Variants in SLC6A18 observed in about 807,000 individuals in gnomAD.
The protein encoded by SLC6A18 is solute carrier family 6 member 18.
In SLC6A18, 58 loss-of-function variants were observed where a neutral mutation model predicts 62.9. The ratio of observed to expected loss-of-function variants is 0.92; its 90% CI spans 0.75 to 1.15. The LOEUF is 1.15. Among genes scored for constraint, SLC6A18 ranks in the 50% most tolerant of loss-of-function variants. The pLI, the probability that SLC6A18 is intolerant of heterozygous loss-of-function variation, is 0.00. For missense variants in SLC6A18, 793 were observed against 836.6 expected (o/e 0.95, Z 0.64); for synonymous variants, 382 against 365.8 (o/e 1.04, Z -0.51).
intron 1 of SLC6A18, among the ~76,000 whole-genome samples, chr5:1,228,480 C>T (rs1484564604): frequency 6.6e-6 from 1 of 152,240 alleles, no homozygotes; most frequent in Non-Finnish European, 1.5e-5. Context: ...TGCATTTGCT[C>T]AGTGGCTGCA....
intron 3 of SLC6A18, among the ~76,000 whole-genome samples, chr5:1,235,252 G>A (rs1746852955): frequency 1.3e-5 from 2 of 152,212 alleles, no homozygotes; most frequent in African/African-American, 4.8e-5. Context: ...GCTCAGCAGG[G>A]CTCGTAAACC....
chr5:1,244,906 C>T (rs984931176), intron 11 of SLC6A18, 139 bp downstream of exon 11: 1 of 1,017,418 alleles, frequency 9.8e-7, no homozygotes, highest in Non-Finnish European at 1.4e-6. Flanking sequence ...TCACTTCTGC[C>T]TGGCAAACTG....
intron 3 of SLC6A18, among the ~76,000 whole-genome samples, chr5:1,235,272 T>C (rs1043267756): frequency 6.6e-6 from 1 of 152,298 alleles, no homozygotes; most frequent in Admixed American, 6.5e-5. Context: ...CTTCGCAAAG[T>C]GGAGCTTCCC....
chr5:1,244,384 G>A lies in SLC6A18; in HGVS notation c.1496+11G>A, dbSNP rs374642591. On this transcript the variant is annotated intron_variant, in intron 10 of 11. Transcript: ENST00000324642. ...TTATGGAATGAAACGGTGAGCTGCCGCCCCGCCGAGTGCTCCTCTGGGACC... is the reference window on the plus strand; with the variant it reads ...TTATGGAATGAAACGGTGAGCTGCCACCCCGCCGAGTGCTCCTCTGGGACC... 77 of 1,613,426 alleles carry A rather than the reference G, an allele frequency of 4.8e-5. No homozygotes were observed. Among genetic ancestry groups the A allele is most frequent in the South Asian group, 2.3e-4 (21 of 91,018 alleles).
intron 1 of SLC6A18, among the ~76,000 whole-genome samples, chr5:1,231,606 C>T (rs1450500026): frequency 6.6e-6 from 1 of 152,242 alleles, no homozygotes; most frequent in African/African-American, 2.4e-5. Context: ...GAAGCTCCAA[C>T]AAGAGCAGCA....
chr5:1,226,346 A>G (rs1473431066), intron 1 of SLC6A18, among the ~76,000 whole-genome samples: 3 of 152,052 alleles, frequency 2.0e-5, no homozygotes, highest in East Asian at 3.9e-4. Flanking sequence ...GGCATGAATC[A>G]CTGCTCTCAG....
intron 7 of SLC6A18, 61 bp downstream of exon 7, chr5:1,240,720 A>C: frequency 6.2e-7 from 1 of 1,601,368 alleles, no homozygotes; most frequent in Non-Finnish European, 8.5e-7. Context: ...TGCCTGCCGC[A>C]CCGAGAATCC....
At chr5:1,237,119 G>C (rs1746902991) in intron 4 of SLC6A18, among the ~76,000 whole-genome samples, 1 of 151,406 alleles carries the variant, frequency 6.6e-6, no homozygotes, top group Non-Finnish European at 1.5e-5. Flanking sequence ...TTGGGAGCCT[G>C]TAATCCCAAC....
chr5:1,238,950 C>T lies in SLC6A18; in HGVS notation c.733-500C>T, dbSNP rs372840352. 7.2e-5 allele frequency among the ~76,000 whole-genome samples: 11 copies of T among 152,214 alleles called. No homozygotes were observed. The East Asian group carries it at 9.6e-4, about 13-fold the overall frequency. ...TCGCGGCACTCCCTGCCCAGCATCCCGAGGCAGTTTCCAGGGGCTGGTGTG... is the reference window on the plus strand; with the variant it reads ...TCGCGGCACTCCCTGCCCAGCATCCTGAGGCAGTTTCCAGGGGCTGGTGTG... On this transcript the variant is annotated intron_variant, in intron 5 of 11. Transcript: ENST00000324642.
chr5:1,227,251 C>T (rs1267159963), intron 1 of SLC6A18, among the ~76,000 whole-genome samples: 1 of 152,186 alleles, frequency 6.6e-6, no homozygotes, highest in Non-Finnish European at 1.5e-5. Context: ...ACTAGCCTCC[C>T]TTAAACTCAG....
chr5:1,233,968 C>A (rs563330977), intron 3 of SLC6A18, among the ~76,000 whole-genome samples: 1 of 152,262 alleles, frequency 6.6e-6, no homozygotes, highest in South Asian at 2.1e-4. Flanking sequence ...GTCTCGATCT[C>A]CTGACCTCGT....
At chr5:1,239,873 G>T (rs1047735113) in intron 6 of SLC6A18, among the ~76,000 whole-genome samples, 2 of 152,238 alleles carry the variant, frequency 1.3e-5, no homozygotes, top group African/African-American at 2.4e-5. Context: ...CGTTGGTGCC[G>T]ACATGAGCAG....
At chr5:1,232,063 A>G (rs1746743048) in intron 1 of SLC6A18, among the ~76,000 whole-genome samples, 156 bp from the exon 2 acceptor site, 1 of 152,130 alleles carries the variant, frequency 6.6e-6, no homozygotes, top group African/African-American at 2.4e-5. Flanking sequence ...TTGGCAACCC[A>G]ACAGTGCCCC....
At chr5:1,234,032 C>T (rs528270895) in intron 3 of SLC6A18, among the ~76,000 whole-genome samples, 150 of 152,264 alleles carry the variant, frequency 9.9e-4, no homozygotes, top group Non-Finnish European at 1.4e-3. Context: ...TGAGCCACCG[C>T]GCCCGGCCAG....
Position 1,241,989 on chromosome 5 carries a change from C to T in SLC6A18, c.975-718C>T, listed in dbSNP as rs1414566466. 6.7e-6 allele frequency among the ~76,000 whole-genome samples: 1 copy of T among 148,502 alleles called. No homozygotes were observed. Among genetic ancestry groups the T allele is most frequent in the Non-Finnish European group, 1.5e-5 (1 of 67,680 alleles). On this transcript the variant is annotated intron_variant, in intron 7 of 11. Coordinates refer to ENST00000324642, the MANE Select transcript of SLC6A18 (RefSeq NM_182632.3). The surrounding 1 kb of genome is among the most constrained non-coding windows in gnomAD (Gnocchi z 7.8). The stretch of plus-strand genomic sequence containing the variant: ...AGCTGGAGCCCCAAAAAGGTGTTTG[C>T]TGGTATCCATGTGTCCCGCCCTTGG...
Position 1,232,742 on chromosome 5 carries a change from T to C in SLC6A18, c.302-9T>C. 6.2e-7 allele frequency: 1 copy of C among 1,606,622 alleles called. No individual in the cohort carries two copies. Among genetic ancestry groups the C allele is most frequent in the East Asian group, 2.2e-5 (1 of 44,758 alleles). On this transcript the variant is annotated splice_polypyrimidine_tract_variant and intron_variant, in intron 2 of 11. Transcript: ENST00000324642. ...CCCCGGGGCCACCTGACATGGTCCC[T>C]GTCCACAGGGCTGGGCTGTGTCACG... is the stretch of plus-strand genomic sequence containing the variant.
intron 1 of SLC6A18, among the ~76,000 whole-genome samples, chr5:1,227,117 C>T (rs182614025): frequency 7.7e-4 from 66 of 85,942 alleles, no homozygotes; most frequent in African/African-American, 1.2e-3. Context: ...TGCCCGCCGA[C>T]GCCTTGCCCG....
intron 9 of SLC6A18, 31 bp from the exon 10 acceptor site, chr5:1,244,183 T>TCCCCC: frequency 1.4e-6 from 1 of 710,308 alleles, no homozygotes; most frequent in South Asian, 1.4e-5. Flanking sequence ...CCCATCCCCT[T>TCCCCC]ACCCCCCACA....
In SLC6A18 at chr5:1,244,426, G is replaced by A; in HGVS notation, c.1496+53G>A. 5 of 1,604,868 alleles carry A rather than the reference G, an allele frequency of 3.1e-6. No individual in the cohort carries two copies. The South Asian group carries it at 3.3e-5, about 11-fold the overall frequency. On this transcript the variant is annotated intron_variant, in intron 10 of 11. Transcript: ENST00000324642. Reference sequence around the variant, plus strand: ...TCTGGGACCCACCAGGGTGGGACAGGGAATGGCTGCCGGGCACAGGTTCAA... The same window carrying A: ...TCTGGGACCCACCAGGGTGGGACAGAGAATGGCTGCCGGGCACAGGTTCAA...
Sources: allele counts gnomAD v4.1 joint callset (sites outside exome capture counted in the v4.1 genomes callset), GRCh38; gene constraint gnomAD v4.1.1; non-coding constraint Gnocchi (gnomAD v3.1); transcripts MANE v1.5; gene names NCBI Gene and HGNC (gene_info 2026-07-23, HGNC 2026-07-21).